The following VAT1L variants were observed in gnomAD, a reference collection of about 807,000 sequenced individuals.
VAT1L encodes putative NADPH-dependent quinone oxidoreductase VAT1L.
Under a neutral mutation model 44.1 loss-of-function variants are expected in VAT1L, and 34 were observed. That is an observed-to-expected ratio of 0.77 (90% CI 0.59 to 1.03). The LOEUF (loss-of-function observed/expected upper bound fraction) is 1.03. Ranked by LOEUF, VAT1L falls within the 50% of genes least tolerant of loss-of-function variation. VAT1L has a pLI of 0.00. For synonymous variants in VAT1L, 253 were observed against 202.2 expected (o/e 1.25, Z -2.13); for missense variants, 615 against 538.8 (o/e 1.14, Z -1.40).
chr16:77,973,309 G>T (rs392444), intron 8 of VAT1L, among the ~76,000 whole-genome samples: 16,027 of 151,978 alleles, frequency 0.11, 1,011 homozygotes, highest in African/African-American at 0.16. Flanking sequence ...TTTTGAGATG[G>T]AGTCTCACTT....
At chr16:77,798,716 A>G (rs757530109) in intron 1 of VAT1L, among the ~76,000 whole-genome samples, 1 of 152,182 alleles carries the variant, frequency 6.6e-6, no homozygotes, top group East Asian at 1.9e-4. Context: ...AAGTAGCTCA[A>G]ACAGGATATG....
chr16:77,895,456 C>T (rs964328251), intron 7 of VAT1L, among the ~76,000 whole-genome samples: 1 of 152,090 alleles, frequency 6.6e-6, no homozygotes, highest in Admixed American at 6.5e-5. Context: ...GGATCCAATA[C>T]AATCACAAGG....
rs2016830383 is a variant in VAT1L at position 77,853,831 on chromosome 16, ACTT to A, written c.580-8913_580-8911del. On this transcript the variant is annotated intron_variant, in intron 3 of 8. Coordinates refer to ENST00000302536, the MANE Select transcript of VAT1L (RefSeq NM_020927.3). ...CCAAGTCTTCTCAAAGAATATGCCT[ACTT>A]CTTTTGGGGATTAAAAAAAAATGAG... Among the ~76,000 whole-genome samples the A allele has an allele frequency of 3.3e-5, 5 of 152,110 alleles. No homozygotes were observed. In the South Asian group the frequency reaches 8.3e-4, roughly 25 times the overall value.
intron 7 of VAT1L, among the ~76,000 whole-genome samples, chr16:77,910,483 T>C (rs1223485564): frequency 3.3e-5 from 5 of 151,912 alleles, no homozygotes; most frequent in African/African-American, 4.8e-5. Context: ...CCATCCTGGC[T>C]AACACGGTGA....
At chr16:77,965,003 T>C (rs2018207956) in intron 7 of VAT1L, among the ~76,000 whole-genome samples, 1 of 152,040 alleles carries the variant, frequency 6.6e-6, no homozygotes, top group African/African-American at 2.4e-5. Flanking sequence ...TTGGTCAGGC[T>C]AGCCTTGAAC....
At chr16:77,904,376 T>G (rs1477455944) in intron 7 of VAT1L, among the ~76,000 whole-genome samples, 7 of 152,194 alleles carry the variant, frequency 4.6e-5, no homozygotes, top group Admixed American at 4.6e-4. Flanking sequence ...ACTGAGTGGC[T>G]TAAACAATAG....
At chr16:77,921,094 T>C (rs933369885) in intron 7 of VAT1L, among the ~76,000 whole-genome samples, 1 of 152,236 alleles carries the variant, frequency 6.6e-6, no homozygotes, top group Non-Finnish European at 1.5e-5. Flanking sequence ...CTCGAAGGGC[T>C]ACCTGGAAAT....
chr16:77,975,128 C>T (rs2018322280), intron 8 of VAT1L, among the ~76,000 whole-genome samples: 1 of 146,956 alleles, frequency 6.8e-6, no homozygotes, highest in Non-Finnish European at 1.5e-5. Flanking sequence ...TCGCTGTCCG[C>T]TCAGCAGGTG....
chr16:77,874,008 AAC>A (rs199630503), intron 4 of VAT1L, among the ~76,000 whole-genome samples: 1,611 of 152,278 alleles, frequency 0.011, 30 homozygotes, highest in African/African-American at 0.037. Context: ...CGGACAGAGC[AAC>A]AGGTCAAGGT....
At chr16:77,863,434 C>A (rs1013225526) in intron 4 of VAT1L, among the ~76,000 whole-genome samples, 2 of 152,214 alleles carry the variant, frequency 1.3e-5, no homozygotes, top group Non-Finnish European at 2.9e-5. Flanking sequence ...TGAAAGCAAA[C>A]TGAGAAACCT....
chr16:77,902,591 C>G (rs1002954200), intron 7 of VAT1L, among the ~76,000 whole-genome samples: 7 of 152,004 alleles, frequency 4.6e-5, no homozygotes, highest in African/African-American at 1.7e-4. Flanking sequence ...AGACCCTCAA[C>G]AAGCTGTACA....
At chr16:77,797,830 T>A (rs1021989191) in intron 1 of VAT1L, among the ~76,000 whole-genome samples, 6 of 152,164 alleles carry the variant, frequency 3.9e-5, no homozygotes, top group Non-Finnish European at 7.4e-5. Context: ...AAGAAGAGAC[T>A]CTTCACAGGA....
intron 1 of VAT1L, among the ~76,000 whole-genome samples, chr16:77,814,113 C>T (rs1285058221): frequency 6.6e-6 from 1 of 152,104 alleles, no homozygotes; most frequent in Non-Finnish European, 1.5e-5. Context: ...ATAGTTCATA[C>T]CTCATAGGAG....
At chr16:77,876,586 G>A (rs79188575) in intron 5 of VAT1L, 113 bp downstream of exon 5, 27 of 880,602 alleles carry the variant, frequency 3.1e-5, no homozygotes, top group Non-Finnish European at 4.4e-5. Flanking sequence ...TGGGATGGGG[G>A]TGTTTCATTT....
At chr16:77,862,358 T>C (rs2016923199) in intron 3 of VAT1L, among the ~76,000 whole-genome samples, 3 of 152,172 alleles carry the variant, frequency 2.0e-5, no homozygotes, top group Non-Finnish European at 4.4e-5. Context: ...CTTGCGCCTG[T>C]AATCCTAGCA....
intron 7 of VAT1L, among the ~76,000 whole-genome samples, chr16:77,947,114 C>T (rs1208400995): frequency 4.6e-5 from 7 of 152,226 alleles, no homozygotes; most frequent in Non-Finnish European, 1.0e-4. Context: ...GAGCCCTTTT[C>T]TGTTTCCCTT....
intron 3 of VAT1L, among the ~76,000 whole-genome samples, chr16:77,854,356 G>T (rs770661720): frequency 3.3e-5 from 5 of 152,188 alleles, no homozygotes; most frequent in Non-Finnish European, 7.3e-5. Flanking sequence ...TTGAAGCATT[G>T]TAGGTGAGAA....
chr16:77,833,233 G>A (rs185569172), intron 3 of VAT1L, among the ~76,000 whole-genome samples: 3 of 152,172 alleles, frequency 2.0e-5, no homozygotes, highest in African/African-American at 7.2e-5. Context: ...AGAAGCCCTA[G>A]ACATTGATGG....
At chr16:77,849,106 G>A (rs934412225) in intron 3 of VAT1L, among the ~76,000 whole-genome samples, 2 of 152,136 alleles carry the variant, frequency 1.3e-5, no homozygotes, top group East Asian at 3.9e-4. Flanking sequence ...GGGTTGATGG[G>A]TGCAGCAAAC....
Sources: allele counts gnomAD v4.1 joint callset (sites outside exome capture counted in the v4.1 genomes callset), GRCh38; gene constraint gnomAD v4.1.1; transcripts MANE v1.5; gene names NCBI Gene and HGNC (gene_info 2026-07-23, HGNC 2026-07-21).